Variants in SFMBT2 observed in about 807,000 individuals in gnomAD.
The protein encoded by SFMBT2 is scm-like with four MBT domains protein 2.
In SFMBT2, 38 loss-of-function variants were observed where a neutral mutation model predicts 110.1. That is an observed-to-expected ratio of 0.35 (90% CI 0.27 to 0.45). The LOEUF (loss-of-function observed/expected upper bound fraction) is 0.45, where lower values mean the gene tolerates loss of function less well. Among genes scored for constraint, SFMBT2 ranks in the 20% least tolerant of loss-of-function variants. The pLI is 1.00. For synonymous variants in SFMBT2, 425 were observed against 425.4 expected (o/e 1.00, Z 0.01); for missense variants, 1,011 against 1,094.9 (o/e 0.92, Z 1.08).
intron 9 of SFMBT2, among the ~76,000 whole-genome samples, chr10:7,240,544 C>T (rs1176457033): frequency 3.3e-5 from 5 of 152,202 alleles, no homozygotes; most frequent in Non-Finnish European, 7.3e-5. Flanking sequence ...ATTACTGAGT[C>T]AGTGGGAAAA....
chr10:7,267,837 A>C (rs934125908), intron 7 of SFMBT2, among the ~76,000 whole-genome samples: 1 of 152,246 alleles, frequency 6.6e-6, no homozygotes, highest in Non-Finnish European at 1.5e-5. Flanking sequence ...GTGACATTTC[A>C]GGTATGTCCC....
At chr10:7,185,316 C>T (rs942196808) in intron 16 of SFMBT2, among the ~76,000 whole-genome samples, 27 of 152,166 alleles carry the variant, frequency 1.8e-4, no homozygotes, top group African/African-American at 6.3e-4. Context: ...GCAAGGTAAA[C>T]AAAATTAACA....
At chr10:7,244,199 G>C in intron 8 of SFMBT2, 1 of 245,930 alleles carries the variant, frequency 4.1e-6, no homozygotes, top group Non-Finnish European at 6.5e-6. Context: ...CCTCCAGCCC[G>C]AGAGGAAATC....
intron 4 of SFMBT2, among the ~76,000 whole-genome samples, chr10:7,314,352 A>G (rs1842930985): frequency 6.6e-6 from 1 of 152,244 alleles, no homozygotes; most frequent in African/African-American, 2.4e-5. Context: ...TCCACAAAGC[A>G]TTAACAGCAA....
intron 4 of SFMBT2, among the ~76,000 whole-genome samples, chr10:7,343,132 G>A (rs1245843969): frequency 1.3e-5 from 2 of 151,908 alleles, no homozygotes; most frequent in African/African-American, 2.4e-5. Context: ...GTGAGAGCAT[G>A]CAGCATCTGG....
chr10:7,268,763 G>C (rs555939279), intron 7 of SFMBT2, among the ~76,000 whole-genome samples: 2 of 152,254 alleles, frequency 1.3e-5, no homozygotes, highest in Middle Eastern at 3.4e-3. Context: ...CACCCACCTC[G>C]GCCTCCCAAA....
chr10:7,339,111 G>A (rs1039368574), intron 4 of SFMBT2, among the ~76,000 whole-genome samples: 1 of 152,068 alleles, frequency 6.6e-6, no homozygotes, highest in Admixed American at 6.5e-5. Context: ...ATGATGACAG[G>A]TACCTGTAGT....
chr10:7,211,368 G>T (rs753503274), intron 11 of SFMBT2, among the ~76,000 whole-genome samples: 8 of 152,076 alleles, frequency 5.3e-5, no homozygotes, highest in Admixed American at 2.6e-4. Flanking sequence ...GTGCTCACCG[G>T]GAAGTCACAT....
chr10:7,192,065 C>T (rs936515963), intron 15 of SFMBT2, among the ~76,000 whole-genome samples: 27 of 152,074 alleles, frequency 1.8e-4, no homozygotes, highest in Non-Finnish European at 8.8e-5. Flanking sequence ...AAAATGTGCA[C>T]TTTTCCTTTG....
intron 1 of SFMBT2, among the ~76,000 whole-genome samples, chr10:7,382,581 T>C (rs1704215508): frequency 6.6e-6 from 1 of 152,060 alleles, no homozygotes. Flanking sequence ...CGATCCACCA[T>C]GGCAACATTG....
intron 4 of SFMBT2, among the ~76,000 whole-genome samples, chr10:7,352,204 G>A (rs774696090): frequency 2.0e-5 from 3 of 152,128 alleles, no homozygotes; most frequent in Non-Finnish European, 2.9e-5. Context: ...CAGAGAGCAG[G>A]GGCCTTTCTA....
At chr10:7,348,496 TGAGAA>T (rs1712035441) in intron 4 of SFMBT2, among the ~76,000 whole-genome samples, 1 of 152,304 alleles carries the variant, frequency 6.6e-6, no homozygotes, top group Non-Finnish European at 1.5e-5. Flanking sequence ...CTCTGTTAGT[TGAGAA>T]GAGATCATCA....
chr10:7,258,769 T>C (rs1841112015), intron 7 of SFMBT2, among the ~76,000 whole-genome samples: 1 of 152,246 alleles, frequency 6.6e-6, no homozygotes, highest in Admixed American at 6.5e-5. Context: ...ACTCCCGTAA[T>C]ACTAGTTTCA....
chr10:7,194,786 T>G (rs992592065), intron 15 of SFMBT2, among the ~76,000 whole-genome samples: 5 of 152,172 alleles, frequency 3.3e-5, no homozygotes, highest in Admixed American at 6.6e-5. Context: ...AAAAACTAGT[T>G]TTGTCATTAG....
intron 11 of SFMBT2, chr10:7,214,639 T>C (rs1238652724): frequency 2.0e-6 from 2 of 985,368 alleles, no homozygotes; most frequent in African/African-American, 3.5e-5. Flanking sequence ...GGACCTGCCT[T>C]GCACGTAAGT....
In SFMBT2 at chr10:7,217,677, G is replaced by C. The variant is rs185508369; in HGVS notation, c.1330+2734C>G. Among the ~76,000 whole-genome samples, 294 of 152,344 alleles carry C rather than the reference G, an allele frequency of 1.9e-3. 1 individual carries two copies. The highest frequency in any genetic ancestry group is 6.6e-3 in the African/African-American group (273 of 41,574). ...ACTGGAAATGAATAGAAAGTCACTT[G>C]GTTTGTGGAAAGGCAGAGCTGTGAG... On this transcript the variant is annotated intron_variant, in intron 11 of 20. Transcript: ENST00000397167.
At chr10:7,327,212 T>C (rs934361051) in intron 4 of SFMBT2, among the ~76,000 whole-genome samples, 1 of 152,134 alleles carries the variant, frequency 6.6e-6, no homozygotes, top group African/African-American at 2.4e-5. Flanking sequence ...GATTGTTTAA[T>C]TTTTTTGTTT....
rs191695386 is a variant in SFMBT2, at chr10:7,400,550, T to C, written c.-52+10311A>G. 1.1e-3 allele frequency among the ~76,000 whole-genome samples: 168 copies of C among 152,306 alleles called. 1 individual carries two copies. The highest frequency in any genetic ancestry group is 2.1e-3 in the Non-Finnish European group (144 of 68,022). Reference sequence around the variant, plus strand: ...TATGAAGTTGATGGCATCCAGCGGTTGGCATCTCCTCACCTAAAGGCAGGG... The same window carrying C: ...TATGAAGTTGATGGCATCCAGCGGTCGGCATCTCCTCACCTAAAGGCAGGG... On this transcript the variant is annotated intron_variant, in intron 1 of 20. Transcript: ENST00000397167.
intron 9 of SFMBT2, among the ~76,000 whole-genome samples, chr10:7,237,700 C>T (rs2131702699): frequency 6.6e-6 from 1 of 152,248 alleles, no homozygotes; most frequent in South Asian, 2.1e-4. Context: ...GACAAACACC[C>T]CTGCTGCTGT....
Sources: gnomAD v4.1 joint callset for allele counts (sites outside exome capture counted in the v4.1 genomes callset) on GRCh38, gnomAD v4.1.1 for gene constraint, MANE v1.5 for transcripts, NCBI Gene and HGNC (gene_info 2026-07-23, HGNC 2026-07-21) for gene names.